The following DMBT1 variants were observed in gnomAD, a reference collection of about 807,000 sequenced individuals.
DMBT1 encodes scavenger receptor cysteine-rich domain-containing protein DMBT1.
DMBT1 carries 198 observed loss-of-function variants against 252.9 expected under a neutral mutation model. That is an observed-to-expected ratio of 0.78 (90% CI 0.70 to 0.88). The LOEUF is 0.88. DMBT1 is among the 40% of genes least tolerant of loss of function. The pLI is 0.00. For synonymous variants in DMBT1, 990 were observed against 942.7 expected, an observed-to-expected ratio of 1.05 and a Z score of -0.92; for missense variants, 2,432 against 2,404.7, an observed-to-expected ratio of 1.01 and a Z score of -0.24.
rs1346747098 is a variant in DMBT1 at position 122,598,964 on chromosome 10, T to C, written c.3147T>C (p.Gly1049=). Residue 1049 remains glycine, a synonymous_variant, in exon 26 of 56, where the codon GGT becomes GGC. Coordinates refer to ENST00000338354, the MANE Select transcript of DMBT1 (RefSeq NM_001377530.1). ...AMSAPGNARF[G]QGSGPIVLDD... The stretch of plus-strand genomic sequence containing the variant: ...CAGCCCCAGGAAATGCCCGGTTTGG[T>C]CAGGGCTCAGGACCCATTGTCCTGG... 9.9e-6 allele frequency: 16 copies of C among 1,613,728 alleles called. No homozygotes were observed. Among genetic ancestry groups the C allele is most frequent in the East Asian group, 8.9e-5 (4 of 44,858 alleles).
chr10:122,622,949 C>G (rs188804375), intron 44 of DMBT1, among the ~76,000 whole-genome samples: 1 of 152,160 alleles, frequency 6.6e-6, no homozygotes, highest in Non-Finnish European at 1.5e-5. Context: ...TGAGATGGAA[C>G]CTTCCCTCTC....
At chr10:122,569,148 C>A (rs556345109) in intron 2 of DMBT1, among the ~76,000 whole-genome samples, 147 of 152,222 alleles carry the variant, frequency 9.7e-4, no homozygotes, top group African/African-American at 3.2e-3. Flanking sequence ...TCTCACCCCC[C>A]AGAGCCTGCT....
rs371995515 is a variant in DMBT1 at position 122,569,481 on chromosome 10, A to G, written c.92-681A>G. ...GCGTAGTGCCAGGAAGTGTGTGGAC[A>G]CCAAGGGGTCCTTTAGTTCCCAAAG... On this transcript the variant is annotated intron_variant, in intron 2 of 55. Transcript: ENST00000338354. Among the ~76,000 whole-genome samples, 5 of 152,346 alleles carry G rather than the reference A, an allele frequency of 3.3e-5. No individual in the cohort carries two copies. The East Asian group carries it at 7.7e-4, about 23-fold the overall frequency.
chr10:122,568,519 G>A lies in DMBT1; in HGVS notation c.92-1643G>A, dbSNP rs76189807. Among the ~76,000 whole-genome samples, 885 of 152,264 alleles carry A rather than the reference G, an allele frequency of 5.8e-3. 11 individuals are homozygous for A. Among genetic ancestry groups the A allele is most frequent in the African/African-American group, 0.02 (848 of 41,538 alleles). On this transcript the variant is annotated intron_variant, in intron 2 of 55. Coordinates refer to ENST00000338354, the MANE Select transcript of DMBT1 (RefSeq NM_001377530.1). ...AGCAGGGTGGTGAGAGGAAGAAGGA[G>A]GAGTGAGGAGGGTAGGGATGCAAGT... is the stretch of plus-strand genomic sequence containing the variant.
rs748082979 is a variant in DMBT1, at chr10:122,637,066, C to A, written c.6758-62C>A. The A allele has an allele frequency of 1.4e-4, 208 of 1,512,810 alleles. No homozygotes were observed. The Middle Eastern group carries it at 2.1e-3, about 15-fold the overall frequency. 93.7% of individuals were successfully genotyped at this position (1,512,810 alleles called of 1,614,324 possible). On this transcript the variant is annotated intron_variant, in intron 53 of 55. Coordinates refer to ENST00000338354, the MANE Select transcript of DMBT1 (RefSeq NM_001377530.1). ...CTTTTTAAGTGGAAACAGCCTCTGG[C>A]CCCGTAGGACTTGTGGAGTCTGGGG...
intron 6 of DMBT1, among the ~76,000 whole-genome samples, chr10:122,574,075 C>T (rs1017696849): frequency 2.0e-5 from 3 of 152,170 alleles, no homozygotes; most frequent in African/African-American, 7.2e-5. Flanking sequence ...TCATCCGTGG[C>T]CAGCCTAGGG....
At chr10:122,580,221 T>G (rs987650817) in intron 10 of DMBT1, among the ~76,000 whole-genome samples, 1 of 152,158 alleles carries the variant, frequency 6.6e-6, no homozygotes, top group Non-Finnish European at 1.5e-5. Flanking sequence ...GTATAATGGA[T>G]GCAGCACAGA....
At chr10:122,637,851 C>G (rs1182777431) in intron 54 of DMBT1, among the ~76,000 whole-genome samples, 1 of 152,214 alleles carries the variant, frequency 6.6e-6, no homozygotes, top group African/African-American at 2.4e-5. Flanking sequence ...GCCTCTGCAG[C>G]TACCATTTGT....
intron 5 of DMBT1, among the ~76,000 whole-genome samples, chr10:122,573,455 G>T (rs753136924): frequency 6.6e-6 from 1 of 152,192 alleles, no homozygotes. Context: ...GAATGGACTG[G>T]GTGACTTTTT....
chr10:122,598,831 G>A lies in DMBT1; in HGVS notation c.3014G>A (p.Arg1005Gln), dbSNP rs753951872. ...AATGGAGGTGACAGGTGTCAGGGCC[G>A]AGTGGAGGTCCTATACCAAGGCTCC... ...LVNGGDRCQG[R>Q]VEVLYQGSWG... is the part of the protein sequence containing the mutation. The change falls in exon 26 of 56, where the codon CGA (arginine) becomes CAA (glutamine). Residue 1005 changes from arginine (R) to glutamine (Q), a missense_variant. Physicochemically the swap from Arg to Gln is conservative, Grantham distance 43. Transcript: ENST00000338354. The A allele has an allele frequency of 5.9e-5, 95 of 1,613,520 alleles. No individual in the cohort carries two copies. Among genetic ancestry groups the A allele is most frequent in the South Asian group, 2.4e-4 (22 of 91,064 alleles).
At chr10:122,572,112 C>A (rs919478585) in intron 4 of DMBT1, among the ~76,000 whole-genome samples, 2 of 152,138 alleles carry the variant, frequency 1.3e-5, no homozygotes, top group Non-Finnish European at 2.9e-5. Flanking sequence ...GTAAGGAGAA[C>A]AAAGGATGCT....
chr10:122,641,400 A>G (rs1358278664), intron 55 of DMBT1, among the ~76,000 whole-genome samples: 1 of 152,222 alleles, frequency 6.6e-6, no homozygotes, highest in Admixed American at 6.5e-5. Flanking sequence ...TACCAATAGG[A>G]TAAAGAGTTC....
rs868117801 is a variant in DMBT1, at chr10:122,577,198, A to G, written c.607+476A>G. On this transcript the variant is annotated intron_variant, in intron 7 of 55. Transcript: ENST00000338354. ...CCCATTTTCCCCGAGGCTCCTTCTC[A>G]GGGACAGCACGTTTTGGGGATCTGG... Among the ~76,000 whole-genome samples the G allele has an allele frequency of 1.6e-4, 25 of 152,336 alleles. No individual in the cohort carries two copies. In the Middle Eastern group the frequency reaches 0.01, roughly 62 times the overall value.
intron 55 of DMBT1, among the ~76,000 whole-genome samples, chr10:122,641,092 G>A (rs1221400626): frequency 6.6e-6 from 1 of 152,178 alleles, no homozygotes; most frequent in Admixed American, 6.5e-5. Context: ...CTTCAGCCTG[G>A]GAATAGAAGC....
chr10:122,597,755 C>T (rs1392591832), intron 24 of DMBT1, among the ~76,000 whole-genome samples: 4 of 152,158 alleles, frequency 2.6e-5, no homozygotes, highest in African/African-American at 9.7e-5. Context: ...GAGGACATCC[C>T]ACACTTCAGA....
chr10:122,633,946 C>A (rs1446181792), intron 52 of DMBT1, among the ~76,000 whole-genome samples: 1 of 152,078 alleles, frequency 6.6e-6, no homozygotes, highest in Admixed American at 6.5e-5. Context: ...CCAGCCTGAG[C>A]AATATAGGGA....
At position 122,640,216 on chromosome 10, in the gene DMBT1, G is replaced by A. The variant is rs560191790; in HGVS notation, c.7119G>A (p.Gln2373=). 18 of 1,614,026 alleles carry A rather than the reference G, an allele frequency of 1.1e-5. No homozygotes were observed. In the African/African-American group the frequency reaches 2.3e-4, roughly 20 times the overall value. Residue 2373 remains glutamine (Q), a synonymous_variant, in exon 55 of 56, where the codon CAG becomes CAA. Transcript: ENST00000338354. The part of the protein sequence containing the change: ...DTIHVANNTI[Q]VEEVQYGNFD... ...TCCACGTTGCTAATAACACCATCCA[G>A]GTCGAGGAAGTCCAGTATGGCAATT...
chr10:122,578,865 G>A, intron 9 of DMBT1, 106 bp downstream of exon 9: 1 of 1,179,140 alleles, frequency 8.5e-7, no homozygotes, highest in Non-Finnish European at 1.2e-6. Flanking sequence ...GGGGAAGTGG[G>A]CTAAGCGTGG....
At chr10:122,574,199 C>T (rs894483237) in intron 6 of DMBT1, among the ~76,000 whole-genome samples, 5 of 152,200 alleles carry the variant, frequency 3.3e-5, no homozygotes, top group African/African-American at 9.6e-5. Flanking sequence ...TATTATGCCA[C>T]CCTTGTTTCT....
Sources: gnomAD v4.1 joint callset for allele counts (sites outside exome capture counted in the v4.1 genomes callset) on GRCh38, gnomAD v4.1.1 for gene constraint, MANE v1.5 for transcripts, NCBI Gene and HGNC (gene_info 2026-07-23, HGNC 2026-07-21) for gene names.